The following ATXN1 variants were observed in gnomAD, a reference collection of about 807,000 sequenced individuals.
The protein encoded by ATXN1 is ataxin-1.
Under a neutral mutation model 56.4 loss-of-function variants are expected in ATXN1, and 8 were observed. The ratio of observed to expected loss-of-function variants is 0.14; its 90% confidence interval spans 0.08 to 0.26. ATXN1 has a LOEUF of 0.26. Ranked by LOEUF, ATXN1 falls within the 10% of genes least tolerant of loss-of-function variation. The pLI is 1.00. For synonymous variants in ATXN1, 514 were observed against 494.6 expected (o/e 1.04, Z -0.52); for missense variants, 987 against 1,106.5 (o/e 0.89, Z 1.53).
At chr6:16,433,053 T>C (rs1019781728) in intron 6 of ATXN1, 1 of 152,154 alleles carries the variant, frequency 6.6e-6, no homozygotes, top group African/African-American at 2.4e-5. Context: ...ATACAATGAA[T>C]AGGTTATGGG....
At chr6:16,340,758 A>G (rs1761227741) in intron 6 of ATXN1, among the ~76,000 whole-genome samples, 1 of 152,248 alleles carries the variant, frequency 6.6e-6, no homozygotes, top group Non-Finnish European at 1.5e-5. Context: ...AACATCCATC[A>G]GCGTTCAGTG....
At chr6:16,578,129 T>A (rs1762458938) in intron 4 of ATXN1, among the ~76,000 whole-genome samples, 1 of 152,232 alleles carries the variant, frequency 6.6e-6, no homozygotes, top group Non-Finnish European at 1.5e-5. Flanking sequence ...ATAAACATTT[T>A]ATGTGCTTCT....
intron 6 of ATXN1, among the ~76,000 whole-genome samples, chr6:16,355,513 T>G (rs1761667139): frequency 6.6e-6 from 1 of 151,732 alleles, no homozygotes; most frequent in Non-Finnish European, 1.5e-5. Context: ...AGGGATGACA[T>G]TTTTCTCTGC....
chr6:16,713,208 A>C (rs765123270), intron 2 of ATXN1, among the ~76,000 whole-genome samples: 1 of 152,222 alleles, frequency 6.6e-6, no homozygotes, highest in Non-Finnish European at 1.5e-5. Flanking sequence ...TGTCCAAACT[A>C]TCTGAATCTA....
intron 7 of ATXN1, among the ~76,000 whole-genome samples, chr6:16,320,876 C>A (rs894781808): frequency 6.6e-6 from 1 of 152,198 alleles, no homozygotes; most frequent in Admixed American, 6.5e-5. Context: ...CGGGATTCCA[C>A]CCCGAGGATT....
At chr6:16,698,657 A>T (rs1475138633) in intron 2 of ATXN1, among the ~76,000 whole-genome samples, 1 of 151,758 alleles carries the variant, frequency 6.6e-6, no homozygotes, top group African/African-American at 2.4e-5. Flanking sequence ...AATTAAAAAA[A>T]AAAAAAAAAA....
chr6:16,628,234 AATTTTTGGTTTTG>A (rs1483566582), intron 3 of ATXN1, among the ~76,000 whole-genome samples: 3 of 152,172 alleles, frequency 2.0e-5, no homozygotes, highest in African/African-American at 7.2e-5. Context: ...ATTCAATGTG[AATTTTTGGTTTTG>A]ATTTTTGGTT....
At position 16,582,544 on chromosome 6, in the gene ATXN1, G is replaced by A. The variant is rs530606642; in HGVS notation, c.-361+3236C>T. 1.7e-4 allele frequency among the ~76,000 whole-genome samples: 26 copies of A among 152,258 alleles called. 1 individual carries two copies. The South Asian group carries it at 4.8e-3, about 28-fold the overall frequency. ...CCCCAAAGTCCCCATGGGACTTTGCGAACTAAGATTTCAACAATGATTCTG... is the reference window on the plus strand; with the variant it reads ...CCCCAAAGTCCCCATGGGACTTTGCAAACTAAGATTTCAACAATGATTCTG... On this transcript the variant is annotated intron_variant, in intron 4 of 7. Transcript: ENST00000436367.
intron 2 of ATXN1, among the ~76,000 whole-genome samples, chr6:16,687,272 T>C (rs923923028): frequency 2.0e-5 from 3 of 152,192 alleles, no homozygotes; most frequent in Non-Finnish European, 4.4e-5. Flanking sequence ...GTCTACCACA[T>C]AGAGGTGATA....
At chr6:16,425,028 T>C (rs933963857) in intron 6 of ATXN1, among the ~76,000 whole-genome samples, 2 of 152,236 alleles carry the variant, frequency 1.3e-5, no homozygotes, top group African/African-American at 4.8e-5. Flanking sequence ...ACATGCCCTT[T>C]ACACATAAAT....
chr6:16,656,047 G>A (rs1390812448), intron 3 of ATXN1, among the ~76,000 whole-genome samples: 2 of 148,350 alleles, frequency 1.3e-5, no homozygotes, highest in African/African-American at 2.5e-5. Flanking sequence ...CTGAGACTGT[G>A]CCACTGCACT....
At chr6:16,589,726 G>A (rs1219131882) in intron 3 of ATXN1, among the ~76,000 whole-genome samples, 2 of 152,178 alleles carry the variant, frequency 1.3e-5, no homozygotes, top group African/African-American at 4.8e-5. Flanking sequence ...TATCAGTATT[G>A]TTAGGGCAAC....
chr6:16,561,071 G>A (rs909820323), intron 4 of ATXN1, among the ~76,000 whole-genome samples: 5 of 152,006 alleles, frequency 3.3e-5, no homozygotes, highest in Non-Finnish European at 7.4e-5. Context: ...AAAATAAAAA[G>A]AATTTTATGA....
At chr6:16,528,211 G>T (rs1761430610) in intron 4 of ATXN1, among the ~76,000 whole-genome samples, 1 of 150,766 alleles carries the variant, frequency 6.6e-6, no homozygotes, top group South Asian at 2.1e-4. Context: ...TGAGGCAGCA[G>T]AATCTCTTTA....
In ATXN1 at chr6:16,327,077, C is replaced by T. The variant is rs766561912; in HGVS notation, c.1234G>A (p.Asp412Asn). ...HREASPSTLN[D>N]KSGLHLGKPG... ...TTCCCTAAATGCAGGCCACTTTTGTCGTTGAGGGTAGAAGGGGAGGCTTCA... is the reference window on the plus strand; with the variant it reads ...TTCCCTAAATGCAGGCCACTTTTGTTGTTGAGGGTAGAAGGGGAGGCTTCA... Residue 412 changes from aspartate (D) to asparagine (N), a missense_variant, in exon 7 of 8, where the codon GAC (aspartate) becomes AAC (asparagine). Asp to Asn is a conservative substitution (Grantham distance 23). This residue lies in a region of ATXN1 where 723 missense variants were observed against 791.7 expected (regional missense o/e 0.91). Coordinates refer to ENST00000436367, the MANE Select transcript of ATXN1 (RefSeq NM_001128164.2). 4 of 1,613,906 alleles carry T rather than the reference C, an allele frequency of 2.5e-6. No homozygotes were observed. The highest frequency in any genetic ancestry group is 3.3e-5 in the Admixed American group (2 of 60,020).
chr6:16,408,832 C>G (rs537961889), intron 6 of ATXN1, among the ~76,000 whole-genome samples: 4 of 152,178 alleles, frequency 2.6e-5, no homozygotes, highest in Non-Finnish European at 5.9e-5. Context: ...CCTCAATCTC[C>G]TGGGTTCAAG....
chr6:16,613,587 G>GAGGCGT (rs151094480), intron 3 of ATXN1, among the ~76,000 whole-genome samples: 6,314 of 152,062 alleles, frequency 0.042, 423 homozygotes, highest in African/African-American at 0.14. Flanking sequence ...CATGCTTTGG[G>GAGGCGT]AGGCTGAGGC....
At chr6:16,603,393 C>T (rs72825544) in intron 3 of ATXN1, among the ~76,000 whole-genome samples, 3,630 of 152,264 alleles carry the variant, frequency 0.024, 74 homozygotes, top group Middle Eastern at 0.037. Context: ...CTTCCCTTTC[C>T]AGGCTCCATA....
At chr6:16,709,033 AAAAAAG>A (rs1357724805) in intron 2 of ATXN1, among the ~76,000 whole-genome samples, 9 of 151,828 alleles carry the variant, frequency 5.9e-5, no homozygotes, top group African/African-American at 1.5e-4. Flanking sequence ...CTCAAAAAAA[AAAAAAG>A]AAAAGAAAAG....
Sources: allele counts gnomAD v4.1 joint callset (sites outside exome capture counted in the v4.1 genomes callset), GRCh38; gene constraint gnomAD v4.1.1; regional missense constraint gnomAD v4.1.1; transcripts MANE v1.5; gene names NCBI Gene and HGNC (gene_info 2026-07-23, HGNC 2026-07-21).